Variants in TREML2 observed in about 807,000 individuals in gnomAD.
TREML2 encodes trem-like transcript 2 protein.
TREML2 carries 24 observed loss-of-function variants against 25.9 expected under a neutral mutation model. The ratio of observed to expected loss-of-function variants is 0.93; its 90% CI spans 0.67 to 1.30. The LOEUF (loss-of-function observed/expected upper bound fraction) is 1.30. TREML2 is among the 50% of genes most tolerant of loss of function. The pLI is 0.00. For missense variants in TREML2, 359 were observed against 395.6 expected, an observed-to-expected ratio of 0.91 and a Z score of 0.78; for synonymous variants, 139 against 155.2, an observed-to-expected ratio of 0.90 and a Z score of 0.77.
Position 41,191,222 on chromosome 6 carries a change from T to TGTGTGTGTGTGTG in TREML2, c.*1204_*1205insCACACACACACAC, listed in dbSNP as rs71305799. Reference sequence around the variant, plus strand: ...GTGTGTGTGTGTGTGTGTGTGTGTGTAGGGGAATCCAGGCTGCATTCTCCA... The same window carrying TGTGTGTGTGTGTG: ...GTGTGTGTGTGTGTGTGTGTGTGTGTGTGTGTGTGTGTGAGGGGAATCCAGGCTGCATTCTCCA... On this transcript the variant is annotated 3_prime_UTR_variant, in exon 5 of 5. Transcript: ENST00000483722. The TGTGTGTGTGTGTG allele has an allele frequency of 8.5e-6, 1 of 118,318 alleles. No homozygotes were observed. The highest frequency in any genetic ancestry group is 1.7e-5 in the Non-Finnish European group (1 of 58,632). 7.3% of individuals were successfully genotyped at this position (118,318 alleles called of 1,614,324 possible).
chr6:41,196,896 C>G (rs955235763), intron 2 of TREML2, among the ~76,000 whole-genome samples: 2 of 152,220 alleles, frequency 1.3e-5, no homozygotes, highest in African/African-American at 4.8e-5. Flanking sequence ...TAGGAGGTAT[C>G]TTAAACTTAA....
chr6:41,193,193 A>G (rs1766098818), intron 3 of TREML2, among the ~76,000 whole-genome samples: 1 of 152,150 alleles, frequency 6.6e-6, no homozygotes, highest in Non-Finnish European at 1.5e-5. Context: ...TTTGTGGCTA[A>G]AGAGATCAAG....
chr6:41,198,874 T>TGTTTC (rs1766225976), intron 1 of TREML2, among the ~76,000 whole-genome samples: 1 of 151,102 alleles, frequency 6.6e-6, no homozygotes, highest in Non-Finnish European at 1.5e-5. Flanking sequence ...TGTTTTGTTT[T>TGTTTC]GTTTTTGAGA....
At chr6:41,199,063 C>T (rs537893417) in intron 1 of TREML2, among the ~76,000 whole-genome samples, 2 of 152,254 alleles carry the variant, frequency 1.3e-5, no homozygotes, top group African/African-American at 4.8e-5. Context: ...GGGATTTCAC[C>T]ATGTTAGCCA....
Position 41,194,633 on chromosome 6 carries a change from T to C in TREML2, c.577A>G (p.Thr193Ala), listed in dbSNP as rs145455750. ...CCCTGGCTGGTGGTGCTGGTAGCAG[T>C]GAAGCTGTAGCCTGTCTTGGAGGCA... ...RPASKTGYSFTATSTTSQGPR... is the reference protein window; with the variant it reads ...RPASKTGYSFAATSTTSQGPR... Residue 193 changes from threonine to alanine, a missense_variant, in exon 3 of 5, where the codon ACT becomes GCT. Coordinates refer to ENST00000483722, the MANE Select transcript of TREML2 (RefSeq NM_024807.4). The C allele has an allele frequency of 2.5e-3, 3,982 of 1,613,924 alleles. 4 individuals carry two copies. The highest frequency in any genetic ancestry group is 3.1e-3 in the Non-Finnish European group (3,651 of 1,179,940).
At chr6:41,197,241 C>G (rs1442196547) in intron 2 of TREML2, among the ~76,000 whole-genome samples, 2 of 152,326 alleles carry the variant, frequency 1.3e-5, no homozygotes, top group Admixed American at 1.3e-4. Flanking sequence ...AATCCATCCT[C>G]AACAAGTGGC....
rs1260818510 is a variant in TREML2 at position 41,198,375 on chromosome 6, A to G, written c.110T>C (p.Leu37Pro). Residue 37 changes from leucine to proline, a missense_variant, in exon 2 of 5, where the codon CTG becomes CCG. Coordinates refer to ENST00000483722, the MANE Select transcript of TREML2 (RefSeq NM_024807.4). Reference protein sequence around the residue: ...TKVRLLEGETLSVQCSYKGYK... With the variant: ...TKVRLLEGETPSVQCSYKGYK... ...GCCCTTATAGGAGCACTGCACAGAC[A>G]GAGTCTCCCCTTCAAGGAGCCTCAC... The G allele has an allele frequency of 6.2e-7, 1 of 1,614,222 alleles. No individual in the cohort carries two copies. The highest frequency in any genetic ancestry group is 2.2e-5 in the East Asian group (1 of 44,888).
intron 3 of TREML2, among the ~76,000 whole-genome samples, chr6:41,193,508 G>T (rs1766103390): frequency 6.6e-6 from 1 of 151,816 alleles, no homozygotes; most frequent in South Asian, 2.1e-4. Flanking sequence ...TTGGGATTAG[G>T]CTCTTGTTGT....
Position 41,192,511 on chromosome 6 carries a change from A to C in TREML2, c.887-5T>G. ...GATCGCTGCACATGCTGTAGCCTGC[A>C]AGAAACAGGGAGAGCTGAGGAAGTG... On this transcript the variant is annotated splice_region_variant and splice_polypyrimidine_tract_variant and intron_variant, in intron 4 of 4. Coordinates refer to ENST00000483722, the MANE Select transcript of TREML2 (RefSeq NM_024807.4). 6.2e-7 allele frequency: 1 copy of C among 1,613,612 alleles called. No homozygotes were observed. Among genetic ancestry groups the C allele is most frequent in the African/African-American group, 1.3e-5 (1 of 75,026 alleles).
At chr6:41,197,553 T>G (rs1037832081) in intron 2 of TREML2, among the ~76,000 whole-genome samples, 4 of 152,336 alleles carry the variant, frequency 2.6e-5, no homozygotes, top group Admixed American at 2.6e-4. Flanking sequence ...AAGGGAGGTG[T>G]TCTCTGACCC....
chr6:41,194,322 G>T (rs13216201), intron 3 of TREML2, 103 bp downstream of exon 3: 354,252 of 1,238,600 alleles, frequency 0.29, 53,092 homozygotes, highest in Admixed American at 0.33. Flanking sequence ...GCCACATTGG[G>T]TTCCTGGGGA....
At chr6:41,194,875 C>T (rs1243827765) in intron 2 of TREML2, 42 bp from the exon 3 acceptor site, 4 of 1,530,068 alleles carry the variant, frequency 2.6e-6, no homozygotes, top group Non-Finnish European at 3.5e-6. Context: ...GACTTGGGTG[C>T]CTCAGTGCTG....
Position 41,194,562 on chromosome 6 carries a change from G to A in TREML2, c.648C>T (p.Ser216=). 6.2e-7 allele frequency: 1 copy of A among 1,614,070 alleles called. No homozygotes were observed. The highest frequency in any genetic ancestry group is 8.5e-7 in the Non-Finnish European group (1 of 1,180,024). Residue 216 remains serine (S), a synonymous_variant, in exon 3 of 5, where the codon AGC becomes AGT. Coordinates refer to ENST00000483722, the MANE Select transcript of TREML2 (RefSeq NM_024807.4). ...GGCCAGCAGAGGAGTCCCTGGCATTGCTGGGAGACGCGGTCACTGTCTGGG... is the reference window on the plus strand; with the variant it reads ...GGCCAGCAGAGGAGTCCCTGGCATTACTGGGAGACGCGGTCACTGTCTGGG... ...MGSQTVTASP[S]NARDSSAGPE...
At position 41,192,397 on chromosome 6, in the gene TREML2, A is replaced by C; in HGVS notation, c.*30T>G. 1 of 1,595,514 alleles carries C rather than the reference A, an allele frequency of 6.3e-7. No individual in the cohort carries two copies. The highest frequency in any genetic ancestry group is 8.6e-7 in the Non-Finnish European group (1 of 1,164,280). ...TCTAACCCCCTGGGGCCACTCTGGG[A>C]GAAGCTCCCCACCCCATGCTTAAGT... On this transcript the variant is annotated 3_prime_UTR_variant, in exon 5 of 5. Transcript: ENST00000483722.
chr6:41,193,489 C>T (rs1766103032), intron 3 of TREML2, among the ~76,000 whole-genome samples: 1 of 152,048 alleles, frequency 6.6e-6, no homozygotes, highest in Non-Finnish European at 1.5e-5. Context: ...CTAGATCTGA[C>T]TCTCCCCGTT....
At position 41,201,079 on chromosome 6, in the gene TREML2, A is replaced by T; in HGVS notation, c.-71T>A. The T allele has an allele frequency of 6.4e-7, 1 of 1,571,070 alleles. No individual in the cohort carries two copies. Among genetic ancestry groups the T allele is most frequent in the South Asian group, 1.1e-5 (1 of 89,928 alleles). On this transcript the variant is annotated 5_prime_UTR_variant, in exon 1 of 5. Transcript: ENST00000483722. ...GGGCCCACCCGACACAGGATGTGCC[A>T]CCTGGGCCTGCCAGGGAAGGACCCG...
intron 3 of TREML2, among the ~76,000 whole-genome samples, chr6:41,193,120 C>G (rs1266535077): frequency 1.3e-5 from 2 of 152,148 alleles, no homozygotes; most frequent in Non-Finnish European, 2.9e-5. Context: ...ACTTTGGTAC[C>G]TCTCCTCCAT....
intron 4 of TREML2, 45 bp from the exon 5 acceptor site, chr6:41,192,551 C>T (rs368055271): frequency 8.6e-5 from 135 of 1,571,162 alleles, no homozygotes; most frequent in Admixed American, 2.0e-4. Flanking sequence ...GCCCTGCCCA[C>T]GGTGCCCCGA....
At position 41,192,321 on chromosome 6, in the gene TREML2, CA is replaced by C; in HGVS notation, c.*105del. The C allele has an allele frequency of 1.1e-6, 1 of 930,394 alleles. No homozygotes were observed. Among genetic ancestry groups the C allele is most frequent in the Non-Finnish European group, 1.7e-6 (1 of 589,850 alleles). The allele number at this position is 930,394 out of a possible 1,614,324, so 57.6% of individuals were successfully genotyped here. On this transcript the variant is annotated 3_prime_UTR_variant, in exon 5 of 5. Transcript: ENST00000483722. ...AGTCCTGGGTGAGTCCAGCACTGCA[CA>C]AGTCCTCCAGCTTCATAAGATCGAT...
Sources: gnomAD v4.1 joint callset for allele counts (sites outside exome capture counted in the v4.1 genomes callset) on GRCh38, gnomAD v4.1.1 for gene constraint, MANE v1.5 for transcripts, NCBI Gene and HGNC (gene_info 2026-07-23, HGNC 2026-07-21) for gene names.